The following TAF3 variants were observed in gnomAD, a reference collection of about 807,000 sequenced individuals.
TAF3 encodes TATA-box binding protein associated factor 3.
Under a neutral mutation model 80.6 loss-of-function variants are expected in TAF3, and 7 were observed. The ratio of observed to expected loss-of-function variants is 0.09; its 90% CI spans 0.05 to 0.16. The LOEUF is 0.16. Among genes scored for constraint, TAF3 ranks in the 10% least tolerant of loss-of-function variants. The pLI is 1.00. For synonymous variants in TAF3, 444 were observed against 446.1 expected, an observed-to-expected ratio of 1.00 and a Z score of 0.06; for missense variants, 921 against 1,140.2, an observed-to-expected ratio of 0.81 and a Z score of 2.77.
chr10:7,826,544 AAAG>A (rs1836743434), intron 2 of TAF3, among the ~76,000 whole-genome samples: 2 of 152,228 alleles, frequency 1.3e-5, no homozygotes, highest in African/African-American at 4.8e-5. Flanking sequence ...TGAAGCAAAA[AAAG>A]AAACTCATTT....
chr10:7,990,712 A>AT (rs1281281619), intron 4 of TAF3, among the ~76,000 whole-genome samples: 5 of 152,204 alleles, frequency 3.3e-5, no homozygotes, highest in Non-Finnish European at 4.4e-5. Context: ...CAATTCAGAG[A>AT]TTCCCCATCA....
chr10:7,851,007 G>A (rs1837021890), intron 2 of TAF3, among the ~76,000 whole-genome samples: 1 of 152,158 alleles, frequency 6.6e-6, no homozygotes, highest in African/African-American at 2.4e-5. Context: ...CAGATAAACA[G>A]TCTCTGCTTT....
At chr10:7,983,634 C>A (rs570916917) in intron 4 of TAF3, among the ~76,000 whole-genome samples, 23 of 152,240 alleles carry the variant, frequency 1.5e-4, no homozygotes, top group South Asian at 1.2e-3. Flanking sequence ...GATTAACTTG[C>A]TACAGAAACT....
chr10:7,894,667 A>G (rs1038081358), intron 2 of TAF3, among the ~76,000 whole-genome samples: 1 of 152,358 alleles, frequency 6.6e-6, no homozygotes, highest in South Asian at 2.1e-4. Context: ...AAAATCATCT[A>G]TGAAAATTTT....
At chr10:7,837,097 TCA>T (rs1167273400) in intron 2 of TAF3, among the ~76,000 whole-genome samples, 1 of 152,052 alleles carries the variant, frequency 6.6e-6, no homozygotes, top group African/African-American at 2.4e-5. Flanking sequence ...GCGTGGTGGC[TCA>T]CACCTGTGAT....
intron 2 of TAF3, among the ~76,000 whole-genome samples, chr10:7,940,161 ATT>A (rs1837963874): frequency 1.3e-5 from 2 of 152,194 alleles, no homozygotes; most frequent in Admixed American, 6.5e-5. Context: ...TACCATCAGA[ATT>A]TTGAGTGAAA....
At position 8,009,168 on chromosome 10, in the gene TAF3, C is replaced by T; in HGVS notation, c.2406C>T (p.Ala802=). 6.5e-7 allele frequency: 1 copy of T among 1,539,380 alleles called. No individual in the cohort carries two copies. Among genetic ancestry groups the T allele is most frequent in the South Asian group, 1.2e-5 (1 of 86,634 alleles). The change falls in exon 5 of 7, where the codon GCC becomes GCT. Residue 802 remains alanine (A), a synonymous_variant. Coordinates refer to ENST00000344293, the MANE Select transcript of TAF3 (RefSeq NM_031923.4). The surrounding 1 kb of genome is among the most constrained non-coding windows in gnomAD (Gnocchi z 4.1). Reference sequence around the variant, plus strand: ...CCCCACCGCCGGCCCCCGCGCCCGCCCCCGGCCCCATGCTCGTCAGCCCTG... The same window carrying T: ...CCCCACCGCCGGCCCCCGCGCCCGCTCCCGGCCCCATGCTCGTCAGCCCTG... The part of the protein sequence containing the change: ...PKTPPPAPAP[A]PGPMLVSPAP...
At chr10:7,937,109 C>T (rs964585930) in intron 2 of TAF3, among the ~76,000 whole-genome samples, 2 of 152,100 alleles carry the variant, frequency 1.3e-5, no homozygotes, top group Admixed American at 6.5e-5. Context: ...TCATTGTTTC[C>T]AAGTTTTGGC....
In TAF3 at chr10:7,963,910, C is replaced by T. The variant is rs1226084486; in HGVS notation, c.410-10C>T. 1.1e-5 allele frequency: 16 copies of T among 1,523,704 alleles called. No individual in the cohort carries two copies. Among genetic ancestry groups the T allele is most frequent in the Middle Eastern group, 1.8e-4 (1 of 5,686 alleles). 94.4% of individuals were successfully genotyped at this position (1,523,704 alleles called of 1,614,324 possible). ...ATTTATTTTTTTCTTCCTTTTTCTT[C>T]CTTTACCAGAAGAAGAAGAAGAGCA... On this transcript the variant is annotated splice_polypyrimidine_tract_variant and intron_variant, in intron 2 of 6. Coordinates refer to ENST00000344293, the MANE Select transcript of TAF3 (RefSeq NM_031923.4).
chr10:7,843,470 T>G (rs934830417), intron 2 of TAF3, among the ~76,000 whole-genome samples: 4 of 152,196 alleles, frequency 2.6e-5, no homozygotes, highest in African/African-American at 9.7e-5. Flanking sequence ...CTTTTAGTTG[T>G]AGTCATCTAC....
chr10:7,945,270 T>C (rs1435808724), intron 2 of TAF3, among the ~76,000 whole-genome samples: 1 of 152,176 alleles, frequency 6.6e-6, no homozygotes, highest in African/African-American at 2.4e-5. Flanking sequence ...AGTTTTTGTT[T>C]GTGTGCCATT....
intron 5 of TAF3, among the ~76,000 whole-genome samples, chr10:8,011,339 G>T (rs188680471): frequency 6.6e-6 from 1 of 151,826 alleles, no homozygotes; most frequent in Non-Finnish European, 1.5e-5. Context: ...CTGCAGCCTC[G>T]ACCTCCTGGG....
At chr10:7,921,428 C>A (rs556061622) in intron 2 of TAF3, among the ~76,000 whole-genome samples, 2 of 152,182 alleles carry the variant, frequency 1.3e-5, no homozygotes, top group East Asian at 1.9e-4. Context: ...TTCTTTGATA[C>A]CTCCCCTCCC....
At chr10:7,914,719 G>A (rs1024097958) in intron 2 of TAF3, among the ~76,000 whole-genome samples, 1 of 152,108 alleles carries the variant, frequency 6.6e-6, no homozygotes, top group Non-Finnish European at 1.5e-5. Context: ...GGTAGTAAGT[G>A]CTTCCTAAGC....
At chr10:7,934,784 A>G (rs1454343043) in intron 2 of TAF3, among the ~76,000 whole-genome samples, 3 of 152,180 alleles carry the variant, frequency 2.0e-5, no homozygotes, top group Non-Finnish European at 4.4e-5. Flanking sequence ...GATATAGAGC[A>G]GTAATAATTG....
intron 2 of TAF3, among the ~76,000 whole-genome samples, chr10:7,870,010 A>G (rs1246052679): frequency 6.6e-6 from 1 of 152,098 alleles, no homozygotes; most frequent in Non-Finnish European, 1.5e-5. Context: ...ATTTTTAGGG[A>G]TTTCAGGTGA....
At position 7,896,318 on chromosome 10, in the gene TAF3, G is replaced by A. The variant is rs78914278; in HGVS notation, c.410-67602G>A. Among the ~76,000 whole-genome samples, 806 of 152,282 alleles carry A rather than the reference G, an allele frequency of 5.3e-3. 13 individuals are homozygous for A. The highest frequency in any genetic ancestry group is 0.019 in the African/African-American group (778 of 41,554). On this transcript the variant is annotated intron_variant, in intron 2 of 6. Transcript: ENST00000344293. ...ACCAAAACCAATTCTTGCCAGAACCGTTTTCATTCTGGGGATGGTTGTAAG... is the reference window on the plus strand; with the variant it reads ...ACCAAAACCAATTCTTGCCAGAACCATTTTCATTCTGGGGATGGTTGTAAG...
intron 4 of TAF3, among the ~76,000 whole-genome samples, chr10:8,003,451 A>G (rs56106381): frequency 0.13 from 20,349 of 152,238 alleles, 1,898 homozygotes; most frequent in African/African-American, 0.27. Context: ...GAAGATCTTT[A>G]TAAGTCAGTG....
chr10:7,842,896 A>G (rs542087095), intron 2 of TAF3, among the ~76,000 whole-genome samples: 68 of 152,356 alleles, frequency 4.5e-4, no homozygotes, highest in African/African-American at 1.3e-3. Flanking sequence ...CACTGAATGT[A>G]ATGGTTGTCA....
Sources: gnomAD v4.1 joint callset for allele counts (sites outside exome capture counted in the v4.1 genomes callset) on GRCh38, gnomAD v4.1.1 for gene constraint, Gnocchi (gnomAD v3.1) non-coding constraint, MANE v1.5 for transcripts, NCBI Gene and HGNC (gene_info 2026-07-23, HGNC 2026-07-21) for gene names.